The following RGS5 variants were observed in gnomAD, a reference collection of about 807,000 sequenced individuals.
RGS5 encodes regulator of G protein signaling 5.
A neutral mutation model predicts 18.9 loss-of-function variants in RGS5; 20 were observed. That is an observed-to-expected ratio of 1.06 (90% CI 0.74 to 1.54). The LOEUF (loss-of-function observed/expected upper bound fraction) is 1.54. RGS5 is among the 40% of genes most tolerant of loss of function. RGS5 has a pLI of 0.00. For synonymous variants in RGS5, 57 were observed against 76.2 expected, an observed-to-expected ratio of 0.75 and a Z score of 1.31; for missense variants, 201 against 211.8, an observed-to-expected ratio of 0.95 and a Z score of 0.32.
chr1:163,191,673 A>G (rs7549021), intron 1 of RGS5, among the ~76,000 whole-genome samples: 32,892 of 152,040 alleles, frequency 0.22, 4,133 homozygotes, highest in African/African-American at 0.35. Flanking sequence ...AGCACCTTTT[A>G]TTCTAATACT....
intron 2 of RGS5, among the ~76,000 whole-genome samples, chr1:163,260,885 T>C (rs920971512): frequency 6.6e-6 from 1 of 152,214 alleles, no homozygotes; most frequent in African/African-American, 2.4e-5. Context: ...TGGAAACTTG[T>C]AGGTGCTCTA....
chr1:163,253,830 G>A (rs1358202366), intron 2 of RGS5, among the ~76,000 whole-genome samples: 3 of 137,314 alleles, frequency 2.2e-5, no homozygotes, highest in African/African-American at 2.8e-5. Flanking sequence ...TCCCCAGACT[G>A]TGATGTTCCC....
chr1:163,271,526 C>T (rs1054296117), intron 2 of RGS5, among the ~76,000 whole-genome samples: 2 of 152,196 alleles, frequency 1.3e-5, no homozygotes, highest in Non-Finnish European at 2.9e-5. Flanking sequence ...CTGCAGCCTA[C>T]AGAACCATGA....
At chr1:163,188,829 TG>T (rs113974194) in intron 1 of RGS5, among the ~76,000 whole-genome samples, 31,625 of 151,632 alleles carry the variant, frequency 0.21, 3,718 homozygotes, top group African/African-American at 0.32. Context: ...GACACGAGCC[TG>T]TAGTCCCAGT....
intron 1 of RGS5, among the ~76,000 whole-genome samples, chr1:163,189,041 T>C (rs573385792): frequency 6.1e-4 from 92 of 151,566 alleles, no homozygotes; most frequent in Non-Finnish European, 1.1e-3. Context: ...ATAAATGCCA[T>C]GTAGAACAGC....
chr1:163,207,561 T>C (rs781336510), upstream of RGS5, among the ~76,000 whole-genome samples: 1 of 152,194 alleles, frequency 6.6e-6, no homozygotes, highest in Non-Finnish European at 1.5e-5. Context: ...CCTTTCTAAT[T>C]ACTAGGGAAT....
chr1:163,201,373 C>T (rs1203128414), intron 1 of RGS5, among the ~76,000 whole-genome samples: 1 of 152,044 alleles, frequency 6.6e-6, no homozygotes, highest in Non-Finnish European at 1.5e-5. Context: ...TAGTATCCAC[C>T]TTTAAAACCT....
At chr1:163,268,197 C>T (rs1648616919) in intron 2 of RGS5, among the ~76,000 whole-genome samples, 1 of 152,008 alleles carries the variant, frequency 6.6e-6, no homozygotes, top group Non-Finnish European at 1.5e-5. Context: ...ACAGTTGTTC[C>T]AGACACAAAC....
At chr1:163,207,171 G>A (rs952082896), upstream of RGS5, among the ~76,000 whole-genome samples, 18 of 152,086 alleles carry the variant, frequency 1.2e-4, no homozygotes, top group African/African-American at 3.6e-4. Context: ...AAAAAGCATC[G>A]GTACTAACAT....
chr1:163,221,284 T>C (rs1204654191), upstream of RGS5, among the ~76,000 whole-genome samples: 1 of 152,122 alleles, frequency 6.6e-6, no homozygotes, highest in African/African-American at 2.4e-5. Flanking sequence ...GATCACTTGA[T>C]ATCAGGAGTT....
intron 1 of RGS5, among the ~76,000 whole-genome samples, chr1:163,179,242 A>G (rs1658701322): frequency 6.6e-6 from 1 of 152,244 alleles, no homozygotes; most frequent in African/African-American, 2.4e-5. Flanking sequence ...GCCCCGATTC[A>G]TCTTACTACA....
At chr1:163,236,768 C>T (rs1472545737) in intron 2 of RGS5, among the ~76,000 whole-genome samples, 3 of 152,068 alleles carry the variant, frequency 2.0e-5, no homozygotes, top group African/African-American at 7.2e-5. Flanking sequence ...CGAGACCATC[C>T]TGGCCAACAT....
At chr1:163,172,662 G>C in intron 1 of RGS5, 1 of 1,524,868 alleles carries the variant, frequency 6.6e-7, no homozygotes. Flanking sequence ...TCAGTTTCTG[G>C]CTTGGTATAG....
intron 1 of RGS5, among the ~76,000 whole-genome samples, chr1:163,309,460 G>C (rs1470601939): frequency 6.6e-6 from 1 of 151,736 alleles, no homozygotes; most frequent in Non-Finnish European, 1.5e-5. Context: ...ACAATGTTTA[G>C]AGAATCTTTA....
At chr1:163,177,231 G>C (rs1292355021) in intron 1 of RGS5, among the ~76,000 whole-genome samples, 3 of 152,154 alleles carry the variant, frequency 2.0e-5, no homozygotes, top group Non-Finnish European at 4.4e-5. Context: ...GGCACCTGTG[G>C]CTTGATTCCC....
chr1:163,148,414 G>A (rs1382724627), intron 4 of RGS5, among the ~76,000 whole-genome samples: 6 of 152,118 alleles, frequency 3.9e-5, no homozygotes, highest in African/African-American at 1.4e-4. Flanking sequence ...AATGAAAACA[G>A]CTAACAGCAA....
intron 1 of RGS5, among the ~76,000 whole-genome samples, chr1:163,169,039 T>A (rs1308196030): frequency 7.9e-6 from 1 of 127,238 alleles, no homozygotes; most frequent in East Asian, 2.8e-4. Flanking sequence ...CAGTCCCTGG[T>A]GTGTGATGTT....
At chr1:163,303,665 GGT>G (rs976699935) in intron 2 of RGS5, among the ~76,000 whole-genome samples, 3 of 152,062 alleles carry the variant, frequency 2.0e-5, no homozygotes, top group Non-Finnish European at 4.4e-5. Context: ...TACAATCAGG[GGT>G]TCCCAAACCC....
intron 2 of RGS5, among the ~76,000 whole-genome samples, chr1:163,271,986 ACCTTCCTTC>A (rs918189950): frequency 9.3e-5 from 14 of 150,744 alleles, no homozygotes; most frequent in Admixed American, 3.3e-4. Flanking sequence ...TTATTTTCCT[ACCTTCCTTC>A]CCTTCCTTCC....
Sources: gnomAD v4.1 joint callset for allele counts (sites outside exome capture counted in the v4.1 genomes callset) on GRCh38, gnomAD v4.1.1 for gene constraint, MANE v1.5 for transcripts, NCBI Gene and HGNC (gene_info 2026-07-23, HGNC 2026-07-21) for gene names.